The following DENND4C variants were observed in gnomAD, a reference collection of about 807,000 sequenced individuals.
DENND4C encodes DENN domain-containing protein 4C.
A neutral mutation model predicts 203.0 loss-of-function variants in DENND4C; 108 were observed. The ratio of observed to expected loss-of-function variants is 0.53; its 90% CI spans 0.46 to 0.62. The LOEUF is 0.62. Ranked by LOEUF, DENND4C falls within the 20% of genes least tolerant of loss-of-function variation. The probability of loss-of-function intolerance (pLI) is 0.00; values close to 1 mark genes in which losing one functional copy is unlikely to be tolerated. For missense variants in DENND4C, 2,481 were observed against 2,301.2 expected (o/e 1.08, Z -1.60); for synonymous variants, 871 against 792.4 (o/e 1.10, Z -1.67).
At chr9:19,261,874 A>T (rs11506421) in intron 1 of DENND4C, among the ~76,000 whole-genome samples, 5 of 151,402 alleles carry the variant, frequency 3.3e-5, no homozygotes, top group Non-Finnish European at 5.9e-5. Flanking sequence ...AGTTGTAGCA[A>T]TTTTTTACTT....
intron 15 of DENND4C, 43 bp from the exon 16 acceptor site, chr9:19,327,986 TG>T: frequency 6.5e-7 from 1 of 1,535,012 alleles, no homozygotes; most frequent in Admixed American, 2.1e-5. Flanking sequence ...TATGAAGAGT[TG>T]GTGTGTTTTA....
Position 19,372,291 on chromosome 9 carries a change from T to TG in DENND4C, c.*122dup. ...GTGAATACGGAATTGAAGTAACTCT[T>TG]GGGGACAATATATAATGAATTATGA... On this transcript the variant is annotated 3_prime_UTR_variant, in exon 33 of 33. Coordinates refer to ENST00000434457, the MANE Select transcript of DENND4C (RefSeq NM_001330640.2). The TG allele has an allele frequency of 8.1e-7, 1 of 1,233,518 alleles. No individual in the cohort carries two copies. The highest frequency in any genetic ancestry group is 1.1e-6 in the Non-Finnish European group (1 of 884,998). The allele number at this position is 1,233,518 out of a possible 1,614,324, so 76.4% of individuals were successfully genotyped here. A position where few individuals can be genotyped will look rare whatever the true frequency, so the allele number is the denominator to read the frequency against.
chr9:19,251,988 A>G lies in DENND4C; in HGVS notation c.-18+21155A>G, dbSNP rs542631544. On this transcript the variant is annotated intron_variant, in intron 1 of 32. Coordinates refer to ENST00000434457, the MANE Select transcript of DENND4C (RefSeq NM_001330640.2). The stretch of plus-strand genomic sequence containing the variant: ...GTTACCCAGTTCGAAAGTCGCTTCC[A>G]CATTTTCGGATATCTTTTCAGCAGT... 4.9e-4 allele frequency among the ~76,000 whole-genome samples: 75 copies of G among 152,298 alleles called. 4 individuals are homozygous for G. The South Asian group carries it at 0.015, about 30-fold the overall frequency.
intron 10 of DENND4C, among the ~76,000 whole-genome samples, chr9:19,312,991 T>C (rs1841047588): frequency 6.6e-6 from 1 of 152,214 alleles, no homozygotes; most frequent in Non-Finnish European, 1.5e-5. Context: ...GTCCATTAAT[T>C]TACATATATT....
chr9:19,262,797 G>C (rs1324197951), intron 1 of DENND4C, among the ~76,000 whole-genome samples: 1 of 152,056 alleles, frequency 6.6e-6, no homozygotes, highest in Non-Finnish European at 1.5e-5. Flanking sequence ...TCAAACTCCT[G>C]ACCTCAAGTG....
At chr9:19,284,575 A>G (rs893025257) in intron 2 of DENND4C, among the ~76,000 whole-genome samples, 1 of 152,152 alleles carries the variant, frequency 6.6e-6, no homozygotes, top group Non-Finnish European at 1.5e-5. Flanking sequence ...ATTCTGCCAT[A>G]TATGTGTTTT....
intron 29 of DENND4C, 34 bp from the exon 30 acceptor site, chr9:19,361,812 C>G (rs1053103486): frequency 3.9e-6 from 5 of 1,276,910 alleles, no homozygotes; most frequent in Non-Finnish European, 5.7e-6. Flanking sequence ...TTGTTATTCT[C>G]GGGATACTAA....
At chr9:19,322,427 G>A (rs556291880) in intron 12 of DENND4C, among the ~76,000 whole-genome samples, 6 of 152,248 alleles carry the variant, frequency 3.9e-5, no homozygotes, top group African/African-American at 1.4e-4. Flanking sequence ...AGTATTGGAC[G>A]GAGAAAGAAG....
At chr9:19,302,040 A>G (rs971567845) in intron 9 of DENND4C, among the ~76,000 whole-genome samples, 4 of 152,202 alleles carry the variant, frequency 2.6e-5, no homozygotes, top group Non-Finnish European at 5.9e-5. Flanking sequence ...TTTCAGTAGT[A>G]TGGTGCAAGA....
intron 10 of DENND4C, among the ~76,000 whole-genome samples, chr9:19,315,737 G>A (rs1372797039): frequency 6.8e-6 from 1 of 147,852 alleles, no homozygotes; most frequent in Non-Finnish European, 1.5e-5. Context: ...ACATAGTCTT[G>A]CTCTGTTGCC....
chr9:19,373,770 A>AG lies in DENND4C; in HGVS notation c.*1597_*1598insG, dbSNP rs1829220459. Among the ~76,000 whole-genome samples the AG allele has an allele frequency of 6.6e-6, 1 of 152,076 alleles. No individual in the cohort carries two copies. Among genetic ancestry groups the AG allele is most frequent in the African/African-American group, 2.4e-5 (1 of 41,434 alleles). On this transcript the variant is annotated 3_prime_UTR_variant, in exon 33 of 33. Coordinates refer to ENST00000434457, the MANE Select transcript of DENND4C (RefSeq NM_001330640.2). ...TTACAGTAATTATGCAGATGACTAA[A>AG]TGAGTTGACACAGTAAAATTACTTC...
At chr9:19,283,975 A>C (rs72698395) in intron 2 of DENND4C, among the ~76,000 whole-genome samples, 1 of 152,116 alleles carries the variant, frequency 6.6e-6, no homozygotes, top group East Asian at 1.9e-4. Context: ...TTGGCTTTCA[A>C]CTGATTTGTT....
At chr9:19,250,863 C>T (rs1285973636) in intron 1 of DENND4C, among the ~76,000 whole-genome samples, 2 of 152,372 alleles carry the variant, frequency 1.3e-5, no homozygotes, top group East Asian at 3.9e-4. Context: ...AACTCCACCC[C>T]TGTGGCTTTG....
At chr9:19,370,413 C>T (rs944353258) in intron 31 of DENND4C, among the ~76,000 whole-genome samples, 5 of 151,686 alleles carry the variant, frequency 3.3e-5, no homozygotes, top group Admixed American at 1.3e-4. Context: ...GTGATCACAC[C>T]GCTGCACTGC....
chr9:19,239,956 A>C (rs1193413889), intron 1 of DENND4C, among the ~76,000 whole-genome samples: 1 of 152,176 alleles, frequency 6.6e-6, no homozygotes, highest in African/African-American at 2.4e-5. Flanking sequence ...TTCAGATCTT[A>C]CATATTTTTA....
chr9:19,319,392 A>C (rs1311202270), intron 12 of DENND4C, among the ~76,000 whole-genome samples: 1 of 135,334 alleles, frequency 7.4e-6, no homozygotes, highest in Non-Finnish European at 1.5e-5. Context: ...ATATATATAT[A>C]CATATATATA....
chr9:19,289,462 A>T lies in DENND4C; in HGVS notation c.628+797A>T, dbSNP rs370318348. Among the ~76,000 whole-genome samples the T allele has an allele frequency of 1.6e-3, 244 of 152,362 alleles. 14 individuals are homozygous for T. In the South Asian group the frequency reaches 0.048, roughly 30 times the overall value. ...TTTCATAAAAACATTCATACTAATG[A>T]ACCAAACCATTTAATTTATAATATA... On this transcript the variant is annotated intron_variant, in intron 4 of 32. Transcript: ENST00000434457.
At position 19,332,018 on chromosome 9, in the gene DENND4C, C is replaced by G. The variant is rs149338801; in HGVS notation, c.2294C>G (p.Thr765Arg). Residue 765 changes from threonine (T) to arginine (R), a missense_variant, in exon 17 of 33, where the codon ACA becomes AGA. Physicochemically the swap from Thr to Arg is moderately conservative, Grantham distance 71 (BLOSUM62 -1). This residue lies in a region of DENND4C where 2,289 missense variants were observed against 2,113.3 expected (regional missense o/e 1.08). Transcript: ENST00000434457. ...CATAAATTGGCGAAGAGATGTTATA[C>G]AAATCCACCACAGTGGGCCAAGTGT... The part of the protein sequence containing the change: ...TAHKLAKRCY[T>R]NPPQWAKCLF... The G allele has an allele frequency of 1.2e-6, 2 of 1,613,970 alleles. No homozygotes were observed. The highest frequency in any genetic ancestry group is 1.3e-5 in the African/African-American group (1 of 75,034).
intron 1 of DENND4C, among the ~76,000 whole-genome samples, chr9:19,240,514 A>G (rs538200596): frequency 6.6e-6 from 1 of 152,112 alleles, no homozygotes; most frequent in South Asian, 2.1e-4. Flanking sequence ...AAAAATACAA[A>G]AATTAGCCTG....
Sources: gnomAD v4.1 joint callset for allele counts (sites outside exome capture counted in the v4.1 genomes callset) on GRCh38, gnomAD v4.1.1 for gene constraint, gnomAD v4.1.1 regional missense constraint, MANE v1.5 for transcripts, NCBI Gene and HGNC (gene_info 2026-07-23, HGNC 2026-07-21) for gene names.